SCHIP1: variants seen among roughly 807,000 people sequenced by gnomAD.
SCHIP1 encodes the protein schwannomin interacting protein 1.
A neutral mutation model predicts 29.7 loss-of-function variants in SCHIP1; 8 were observed. The observed-to-expected ratio is 0.27, with a 90% confidence interval of 0.16 to 0.49. The LOEUF is 0.49. Ranked by LOEUF, SCHIP1 falls within the 20% of genes least tolerant of loss-of-function variation. The pLI, the probability that SCHIP1 is intolerant of heterozygous loss-of-function variation, is 0.99. For missense variants in SCHIP1, 193 were observed against 294.6 expected (o/e 0.66, Z 2.52); for synonymous variants, 76 against 94.9 (o/e 0.80, Z 1.16).
At chr3:159,681,048 A>G in the SCHIP1 span, among the ~76,000 whole-genome samples, 21 of 152,048 alleles carry the variant, frequency 1.4e-4, no homozygotes, top group African/African-American at 4.6e-4. Context: ...GTGTATATCA[A>G]GAATTGGCTA....
At chr3:159,336,170 C>T in the SCHIP1 span, among the ~76,000 whole-genome samples, 12 of 152,224 alleles carry the variant, frequency 7.9e-5, no homozygotes, top group Non-Finnish European at 1.0e-4. Flanking sequence ...TCATATCCTT[C>T]GCTCACTTTT....
At chr3:159,471,718 T>C in the SCHIP1 span, among the ~76,000 whole-genome samples, 51 of 152,178 alleles carry the variant, frequency 3.4e-4, no homozygotes, top group African/African-American at 1.2e-3. Flanking sequence ...CTCTGTAATA[T>C]ACTAATTGGG....
the SCHIP1 span, among the ~76,000 whole-genome samples, chr3:159,328,494 A>T: frequency 1.4e-4 from 22 of 152,190 alleles, no homozygotes; most frequent in East Asian, 4.1e-3. Context: ...CTTTTCAAAA[A>T]GGCTATGTAG....
At chr3:159,889,042 G>T in intron 5 of SCHIP1, 99 bp downstream of exon 6, 3 of 1,424,316 alleles carry the variant, frequency 2.1e-6, no homozygotes, top group Non-Finnish European at 9.3e-7. Flanking sequence ...CATTTCATTG[G>T]GTTCCTGTGT....
At chr3:159,292,639 C>T in the SCHIP1 span, among the ~76,000 whole-genome samples, 10 of 152,144 alleles carry the variant, frequency 6.6e-5, no homozygotes, top group Admixed American at 1.3e-4. Context: ...GTCATGAGGA[C>T]TGAGAGGTTA....
the SCHIP1 span, among the ~76,000 whole-genome samples, chr3:159,311,526 C>T: frequency 6.6e-6 from 1 of 151,948 alleles, no homozygotes; most frequent in Non-Finnish European, 1.5e-5. Context: ...GGCTAATAAT[C>T]TATAATTATT....
At position 159,866,288 on chromosome 3, in the gene SCHIP1, G is replaced by A. The variant is rs560410630; in HGVS notation, c.149+7G>A. The A allele has an allele frequency of 1.9e-6, 3 of 1,611,082 alleles. No individual in the cohort carries two copies. The African/African-American group carries it at 4.0e-5, about 22-fold the overall frequency. ...AGCCAAGCCTTTCCTCCCGGTGAGT[G>A]TTCTTTTGAGTTGAATTTCTGATAT... On this transcript the variant is annotated splice_region_variant and intron_variant, in intron 2 of 6. Coordinates refer to ENST00000445224, the Ensembl canonical transcript of SCHIP1.
chr3:159,869,116 C>T (rs774026863), intron 2 of SCHIP1, among the ~76,000 whole-genome samples: 3 of 152,008 alleles, frequency 2.0e-5, no homozygotes, highest in Admixed American at 1.3e-4. Flanking sequence ...ATCAACTTAT[C>T]GAAGTTCTTC....
chr3:159,654,073 T>A, the SCHIP1 span, among the ~76,000 whole-genome samples: 6 of 152,184 alleles, frequency 3.9e-5, no homozygotes, highest in African/African-American at 1.2e-4. Context: ...TAAATACAGA[T>A]TTTTTTCTTT....
intron 1 of SCHIP1, among the ~76,000 whole-genome samples, chr3:159,848,319 T>C (rs1712119417): frequency 6.6e-6 from 1 of 152,076 alleles, no homozygotes; most frequent in Non-Finnish European, 1.5e-5. Context: ...GACAGTTCAT[T>C]CTAGAGAGGG....
At chr3:159,859,471 G>A (rs958209202) in intron 1 of SCHIP1, among the ~76,000 whole-genome samples, 6 of 152,190 alleles carry the variant, frequency 3.9e-5, no homozygotes, top group South Asian at 2.1e-4. Context: ...AAATAAGAGC[G>A]ACTACCACTT....
At chr3:159,281,221 T>G in the SCHIP1 span, among the ~76,000 whole-genome samples, 2 of 152,172 alleles carry the variant, frequency 1.3e-5, no homozygotes, top group African/African-American at 4.8e-5. Context: ...CTCTTGGAAC[T>G]TCATTTTGGG....
At chr3:159,817,785 C>T in the SCHIP1 span, among the ~76,000 whole-genome samples, 14 of 152,126 alleles carry the variant, frequency 9.2e-5, no homozygotes, top group South Asian at 1.7e-3. Flanking sequence ...TGTATTCTTA[C>T]TGTGTGCAAG....
chr3:159,533,247 G>T, the SCHIP1 span, among the ~76,000 whole-genome samples: 1 of 152,162 alleles, frequency 6.6e-6, no homozygotes, highest in Non-Finnish European at 1.5e-5. Flanking sequence ...CAAGGCAAGG[G>T]GTTGGGGAAG....
the SCHIP1 span, among the ~76,000 whole-genome samples, chr3:159,646,018 T>C: frequency 6.6e-6 from 1 of 152,184 alleles, no homozygotes; most frequent in African/African-American, 2.4e-5. Flanking sequence ...ATGTGCAAGT[T>C]ATTTATTTAA....
chr3:159,396,635 G>A, the SCHIP1 span, among the ~76,000 whole-genome samples: 1 of 152,154 alleles, frequency 6.6e-6, no homozygotes, highest in Non-Finnish European at 1.5e-5. Flanking sequence ...CTTTAAGAAT[G>A]TTGAATATTG....
chr3:159,607,391 G>A, the SCHIP1 span, among the ~76,000 whole-genome samples: 1 of 152,146 alleles, frequency 6.6e-6, no homozygotes, highest in Non-Finnish European at 1.5e-5. Flanking sequence ...GAGGTAGGTA[G>A]CATATTTATA....
chr3:159,676,031 T>C, the SCHIP1 span, among the ~76,000 whole-genome samples: 31 of 152,144 alleles, frequency 2.0e-4, no homozygotes, highest in Non-Finnish European at 4.0e-4. Flanking sequence ...CTCAGGAGGC[T>C]GAAGCAGGAG....
chr3:159,669,890 G>A, the SCHIP1 span, among the ~76,000 whole-genome samples: 6 of 152,188 alleles, frequency 3.9e-5, no homozygotes, highest in East Asian at 7.7e-4. Flanking sequence ...GTCAGAGCTG[G>A]TAGGAGGCAT....
Sources: gnomAD v4.1 joint callset for allele counts (sites outside exome capture counted in the v4.1 genomes callset) on GRCh38, gnomAD v4.1.1 for gene constraint, MANE v1.5 for transcripts, NCBI Gene and HGNC (gene_info 2026-07-23, HGNC 2026-07-21) for gene names.